The following ERC1 variants were observed in gnomAD, a reference collection of about 807,000 sequenced individuals.
ERC1 encodes RAB6 interacting protein 2.
ERC1 carries 56 observed loss-of-function variants against 132.0 expected under a neutral mutation model. The ratio of observed to expected loss-of-function variants is 0.42; its 90% CI spans 0.34 to 0.53. The LOEUF (loss-of-function observed/expected upper bound fraction) is 0.53. Ranked by LOEUF, ERC1 falls within the 20% of genes least tolerant of loss-of-function variation. ERC1 has a pLI of 0.03. For synonymous variants in ERC1, 478 were observed against 476.1 expected (o/e 1.00, Z -0.05); for missense variants, 1,202 against 1,349.9 (o/e 0.89, Z 1.72).
In ERC1 at chr12:1,427,672, G is replaced by A. The variant is rs143752525; in HGVS notation, c.3025-16890G>A. ...CTAATTTGAATCCAGCGTGGTGGTC[G>A]TGTAACTGCCCACAAGTCACGTCAC... On this transcript the variant is annotated intron_variant, in intron 17 of 18. Transcript: ENST00000360905. 1.6e-4 allele frequency among the ~76,000 whole-genome samples: 25 copies of A among 152,216 alleles called. No individual in the cohort carries two copies. The East Asian group carries it at 4.4e-3, about 27-fold the overall frequency.
chr12:1,066,386 T>C (rs1256191643), intron 2 of ERC1, among the ~76,000 whole-genome samples: 1 of 152,232 alleles, frequency 6.6e-6, no homozygotes, highest in Non-Finnish European at 1.5e-5. Context: ...GGCTTTAAAC[T>C]GCTTTACACC....
At chr12:1,329,537 G>A (rs2082716957) in intron 15 of ERC1, among the ~76,000 whole-genome samples, 1 of 151,884 alleles carries the variant, frequency 6.6e-6, no homozygotes, top group Non-Finnish European at 1.5e-5. Flanking sequence ...AGCAGCCTGT[G>A]AGAAAGCTGC....
intron 18 of ERC1, among the ~76,000 whole-genome samples, chr12:1,482,726 C>T (rs1000992221): frequency 3.9e-5 from 6 of 152,070 alleles, no homozygotes; most frequent in South Asian, 2.1e-4. Flanking sequence ...GGATTACAGG[C>T]GTGAGCCACT....
At chr12:1,401,146 G>T (rs547540790) in intron 16 of ERC1, among the ~76,000 whole-genome samples, 1 of 151,868 alleles carries the variant, frequency 6.6e-6, no homozygotes, top group South Asian at 2.1e-4. Context: ...GTGTTAGCCA[G>T]GATGGTCTCC....
At chr12:1,202,030 A>G (rs61623983) in intron 12 of ERC1, among the ~76,000 whole-genome samples, 66,298 of 151,948 alleles carry the variant, frequency 0.44, 16,335 homozygotes, top group African/African-American at 0.67. Flanking sequence ...AAAGAAAGAT[A>G]CCAGCATATT....
chr12:1,083,592 C>G lies in ERC1; in HGVS notation c.1086+12C>G. On this transcript the variant is annotated intron_variant, in intron 3 of 18. Coordinates refer to ENST00000360905, the MANE Select transcript of ERC1 (RefSeq NM_178040.4). ...GTATGTTGAGAGAGGTATGTGACTA[C>G]TTTTTTAGTTTTATGATTTGTTGGT... 6.4e-7 allele frequency: 1 copy of G among 1,559,158 alleles called. No individual in the cohort carries two copies. Among genetic ancestry groups the G allele is most frequent in the Non-Finnish European group, 8.6e-7 (1 of 1,158,008 alleles).
intron 16 of ERC1, among the ~76,000 whole-genome samples, chr12:1,384,844 G>C (rs1254640060): frequency 6.6e-6 from 1 of 152,160 alleles, no homozygotes; most frequent in East Asian, 1.9e-4. Flanking sequence ...AATTGGATAT[G>C]ATGTTTTTCT....
intron 8 of ERC1, among the ~76,000 whole-genome samples, chr12:1,169,814 G>A (rs1157047327): frequency 6.6e-6 from 1 of 152,014 alleles, no homozygotes; most frequent in Non-Finnish European, 1.5e-5. Flanking sequence ...GTCTTTCTTT[G>A]AAGAAAGACT....
Position 1,025,598 on chromosome 12 carries a change from TA to T in ERC1, c.-156-2144del, listed in dbSNP as rs561591991. ...TTTTCTTCTAGTACTTTTAATGGCT[TA>T]AAAAATTTATATCTTTAATGTATAT... is the stretch of plus-strand genomic sequence containing the variant. On this transcript the variant is annotated intron_variant, in intron 1 of 18. Coordinates refer to ENST00000360905, the MANE Select transcript of ERC1 (RefSeq NM_178040.4). Among the ~76,000 whole-genome samples, 16 of 152,276 alleles carry T rather than the reference TA, an allele frequency of 1.1e-4. No homozygotes were observed. In the East Asian group the frequency reaches 2.5e-3, roughly 24 times the overall value.
intron 14 of ERC1, among the ~76,000 whole-genome samples, chr12:1,268,753 G>A (rs1020076610): frequency 3.3e-5 from 5 of 152,122 alleles, no homozygotes; most frequent in African/African-American, 4.8e-5. Context: ...GCGACAGAGC[G>A]AGACTCCATA....
intron 15 of ERC1, among the ~76,000 whole-genome samples, chr12:1,358,707 G>A (rs1015802937): frequency 1.3e-5 from 2 of 152,150 alleles, no homozygotes; most frequent in Non-Finnish European, 2.9e-5. Context: ...CTATTTGTGA[G>A]CCCTTCTTGG....
rs531387497 is a variant in ERC1, at chr12:1,308,040, A to G, written c.2780+18028A>G. On this transcript the variant is annotated intron_variant, in intron 15 of 18. Coordinates refer to ENST00000360905, the MANE Select transcript of ERC1 (RefSeq NM_178040.4). ...AAAGGTCACATTTGTGTGAATGGTCATTGTGCATATAAGACATCATTTTAT... is the reference window on the plus strand; with the variant it reads ...AAAGGTCACATTTGTGTGAATGGTCGTTGTGCATATAAGACATCATTTTAT... Among the ~76,000 whole-genome samples the G allele has an allele frequency of 2.0e-5, 3 of 152,320 alleles. No individual in the cohort carries two copies. The South Asian group carries it at 6.2e-4, about 32-fold the overall frequency.
At chr12:1,370,967 C>T (rs2154374239) in intron 15 of ERC1, among the ~76,000 whole-genome samples, 1 of 152,338 alleles carries the variant, frequency 6.6e-6, no homozygotes, top group Non-Finnish European at 1.5e-5. Context: ...CCCACCTCAG[C>T]CTCCCAAAGT....
chr12:1,112,988 T>C (rs2154208335), intron 6 of ERC1, among the ~76,000 whole-genome samples: 1 of 152,314 alleles, frequency 6.6e-6, no homozygotes, highest in Non-Finnish European at 1.5e-5. Flanking sequence ...AAAAAATGGA[T>C]GTTGTGTCTG....
At chr12:1,212,828 C>T (rs1958005525) in intron 12 of ERC1, among the ~76,000 whole-genome samples, 1 of 152,192 alleles carries the variant, frequency 6.6e-6, no homozygotes, top group East Asian at 1.9e-4. Context: ...TCCCAGGGCA[C>T]CGCTGGCTGG....
intron 7 of ERC1, among the ~76,000 whole-genome samples, chr12:1,119,846 AT>A (rs1946883301): frequency 6.6e-6 from 1 of 152,092 alleles, no homozygotes; most frequent in African/African-American, 2.4e-5. Flanking sequence ...CACCGCATCC[AT>A]TCAGGAGTTA....
intron 15 of ERC1, among the ~76,000 whole-genome samples, chr12:1,315,891 G>A (rs906662872): frequency 6.0e-5 from 9 of 151,164 alleles, no homozygotes; most frequent in African/African-American, 2.2e-4. Flanking sequence ...GTATGAAATG[G>A]TAAACATTTT....
At chr12:1,346,724 T>A (rs1026369465) in intron 15 of ERC1, among the ~76,000 whole-genome samples, 1 of 151,750 alleles carries the variant, frequency 6.6e-6, no homozygotes, top group African/African-American at 2.4e-5. Context: ...GGGTGGATCA[T>A]GAGGTCAGGA....
chr12:1,137,620 C>T (rs1370940883), intron 7 of ERC1, among the ~76,000 whole-genome samples: 2 of 151,372 alleles, frequency 1.3e-5, no homozygotes, highest in Non-Finnish European at 2.9e-5. Context: ...GAGGCCGAGG[C>T]AGGCAGATCA....
Sources: gnomAD v4.1 joint callset for allele counts (sites outside exome capture counted in the v4.1 genomes callset) on GRCh38, gnomAD v4.1.1 for gene constraint, MANE v1.5 for transcripts, NCBI Gene and HGNC (gene_info 2026-07-23, HGNC 2026-07-21) for gene names.